SPG11: variants seen among roughly 807,000 people sequenced by gnomAD.
The protein encoded by SPG11 is spatacsin.
In SPG11, 222 loss-of-function variants were observed where a neutral mutation model predicts 274.0. The ratio of observed to expected loss-of-function variants is 0.81; its 90% confidence interval spans 0.73 to 0.91. The LOEUF (loss-of-function observed/expected upper bound fraction) is 0.91, where lower values mean the gene tolerates loss of function less well. Ranked by LOEUF, SPG11 falls within the 40% of genes least tolerant of loss-of-function variation. The pLI, the probability that SPG11 is intolerant of heterozygous loss-of-function variation, is 0.00. For synonymous variants in SPG11, 1,144 were observed against 1,039.7 expected (o/e 1.10, Z -1.93); for missense variants, 3,114 against 2,872.7 (o/e 1.08, Z -1.92).
At chr15:44,565,480 C>T (rs920085004) in intron 38 of SPG11, among the ~76,000 whole-genome samples, 1 of 152,216 alleles carries the variant, frequency 6.6e-6, no homozygotes, top group African/African-American at 2.4e-5. Flanking sequence ...ACTGATCTGA[C>T]AGGAGATGGT....
At chr15:44,601,350 TC>T (rs1365682799) in intron 20 of SPG11, among the ~76,000 whole-genome samples, 1 of 151,954 alleles carries the variant, frequency 6.6e-6, no homozygotes, top group East Asian at 1.9e-4. Context: ...AATCTCCACT[TC>T]CTGGGCTCAG....
chr15:44,566,734 T>C (rs966482471), intron 36 of SPG11, among the ~76,000 whole-genome samples: 19 of 152,190 alleles, frequency 1.2e-4, no homozygotes, highest in African/African-American at 4.6e-4. Context: ...AGTCACACTC[T>C]GTCACCTACG....
At chr15:44,626,255 T>C in intron 11 of SPG11, 76 bp downstream of exon 11, 1 of 1,288,258 alleles carries the variant, frequency 7.8e-7, no homozygotes, top group African/African-American at 1.5e-5. Flanking sequence ...GAAATAATTA[T>C]GAATACAAAC....
rs775877332 is a variant in SPG11, at chr15:44,585,785, G to A, written c.4972C>T (p.His1658Tyr). Residue 1658 changes from histidine (H) to tyrosine (Y), a missense_variant, in exon 29 of 40, where the codon CAT (histidine) becomes TAT (tyrosine). Transcript: ENST00000261866. ...ILKDTSIAIN[H>Y]TIITSYSIEN... The stretch of plus-strand genomic sequence containing the variant: ...ATGCTGTAGCTGGTAATAATTGTAT[G>A]ATTAATGGCTATGGATGTATCCTTC... 4.2e-5 allele frequency: 67 copies of A among 1,613,838 alleles called. No individual in the cohort carries two copies. Among genetic ancestry groups the A allele is most frequent in the Non-Finnish European group, 5.5e-5 (65 of 1,179,980 alleles).
intron 28 of SPG11, among the ~76,000 whole-genome samples, chr15:44,586,063 C>CA (rs2082758350): frequency 7.0e-6 from 1 of 143,810 alleles, no homozygotes; most frequent in South Asian, 2.2e-4. Context: ...CCGCTCGCTG[C>CA]AACCTGCACC....
Position 44,573,869 on chromosome 15 carries a change from A to T in SPG11, c.6007-124T>A, listed in dbSNP as rs2082479134. 6 of 869,780 alleles carry T rather than the reference A, an allele frequency of 6.9e-6. No individual in the cohort carries two copies. The highest frequency in any genetic ancestry group is 1.1e-5 in the Non-Finnish European group (6 of 535,400). 53.9% of individuals were successfully genotyped at this position (869,780 alleles called of 1,614,324 possible). On this transcript the variant is annotated intron_variant, in intron 31 of 39. Transcript: ENST00000261866. ...CTGAGCTTACAGACTCCTCACCCTC[A>T]GCAGGAACCTTAGAAAAAGCAAGTA... is the stretch of plus-strand genomic sequence containing the variant.
chr15:44,648,390 G>A (rs1201490635), intron 7 of SPG11, among the ~76,000 whole-genome samples: 2 of 152,046 alleles, frequency 1.3e-5, no homozygotes, highest in Non-Finnish European at 2.9e-5. Context: ...GCGCGTGCCT[G>A]TAGTCCCACC....
chr15:44,574,369 A>G (rs1294763699), intron 31 of SPG11, among the ~76,000 whole-genome samples: 1 of 152,198 alleles, frequency 6.6e-6, no homozygotes, highest in Non-Finnish European at 1.5e-5. Flanking sequence ...TATTATTCCC[A>G]GAGCAGCAGC....
At chr15:44,620,781 C>T (rs1196740210) in intron 14 of SPG11, 1 of 175,558 alleles carries the variant, frequency 5.7e-6, no homozygotes, top group Admixed American at 5.7e-5. Flanking sequence ...TCACTGCAAC[C>T]TCTGCCTCCC....
chr15:44,565,830 G>C, intron 38 of SPG11, 24 bp downstream of exon 38: 2 of 1,613,732 alleles, frequency 1.2e-6, no homozygotes, highest in Non-Finnish European at 1.7e-6. Context: ...AGCAGTGCTG[G>C]CTACAGTTTG....
intron 15 of SPG11, among the ~76,000 whole-genome samples, chr15:44,619,084 G>A (rs1008690731): frequency 8.5e-5 from 13 of 152,146 alleles, no homozygotes; most frequent in African/African-American, 3.1e-4. Context: ...GTAAACAAGA[G>A]CATTTAGTGC....
intron 20 of SPG11, among the ~76,000 whole-genome samples, chr15:44,603,570 C>G (rs1182497928): frequency 6.6e-5 from 10 of 152,014 alleles, no homozygotes; most frequent in Non-Finnish European, 1.2e-4. Context: ...CCTCTAAACC[C>G]AAGAAAATAT....
intron 29 of SPG11, among the ~76,000 whole-genome samples, chr15:44,584,876 G>C (rs994314171): frequency 5.9e-5 from 9 of 152,136 alleles, no homozygotes; most frequent in South Asian, 2.1e-4. Flanking sequence ...CAATCCTCCT[G>C]CCTTGCCCTC....
intron 7 of SPG11, among the ~76,000 whole-genome samples, chr15:44,648,512 C>CA (rs57643988): frequency 0.025 from 1,322 of 53,874 alleles, 32 homozygotes; most frequent in East Asian, 0.19. Flanking sequence ...CACCCTGTGT[C>CA]AAAAAAAAAA....
intron 39 of SPG11, 102 bp downstream of exon 39, chr15:44,564,445 G>GTAATC: frequency 1.8e-6 from 2 of 1,140,190 alleles, no homozygotes; most frequent in Non-Finnish European, 2.6e-6. Flanking sequence ...TTAAGTAGAG[G>GTAATC]TAATCTAAAG....
intron 27 of SPG11, 40 bp from the exon 28 acceptor site, chr15:44,589,454 TGAGAATAGCAAATC>T (rs2082848823): frequency 1.2e-6 from 2 of 1,613,006 alleles, no homozygotes; most frequent in Non-Finnish European, 1.7e-6. Context: ...AGCAGTTTCA[TGAGAATAGCAAATC>T]AAAACCTCCA....
At chr15:44,585,983 GT>G (rs71111868) in intron 28 of SPG11, 133 bp from the exon 29 acceptor site, 26,164 of 329,388 alleles carry the variant, frequency 0.079, no homozygotes, top group Middle Eastern at 0.12. Context: ...ATAAAAAGCT[GT>G]TTTTTTTTTT....
At chr15:44,628,988 CAAGT>C (rs1259838723) in intron 9 of SPG11, 144 bp from the exon 10 acceptor site, 1 of 918,296 alleles carries the variant, frequency 1.1e-6, no homozygotes. Context: ...TTCCTTTTTA[CAAGT>C]AAGTAGCTCT....
intron 7 of SPG11, among the ~76,000 whole-genome samples, chr15:44,634,302 T>C (rs1266520313): frequency 6.6e-6 from 1 of 152,182 alleles, no homozygotes; most frequent in Non-Finnish European, 1.5e-5. Flanking sequence ...CAATATAAAG[T>C]CCTACTCTGT....
Sources: allele counts gnomAD v4.1 joint callset (sites outside exome capture counted in the v4.1 genomes callset), GRCh38; gene constraint gnomAD v4.1.1; transcripts MANE v1.5; gene names NCBI Gene and HGNC (gene_info 2026-07-23, HGNC 2026-07-21).